Variants in DCAF6 observed in about 807,000 individuals in gnomAD.
DCAF6 encodes DDB1 and CUL4 associated factor 6.
DCAF6 carries 54 observed loss-of-function variants against 125.1 expected under a neutral mutation model. That is an observed-to-expected ratio of 0.43 (90% confidence interval 0.35 to 0.54). The LOEUF (loss-of-function observed/expected upper bound fraction) is 0.54. DCAF6 is among the 20% of genes least tolerant of loss of function. The probability of loss-of-function intolerance (pLI) is 0.01; values close to 1 mark genes in which losing one functional copy is unlikely to be tolerated. For synonymous variants in DCAF6, 371 were observed against 390.4 expected (o/e 0.95, Z 0.58); for missense variants, 934 against 1,161.7 (o/e 0.80, Z 2.85).
chr1:167,928,303 G>C, the DCAF6 span, among the ~76,000 whole-genome samples: 1 of 146,444 alleles, frequency 6.8e-6, no homozygotes, highest in East Asian at 2.0e-4. Flanking sequence ...AGCCGAGATC[G>C]CACCACTGCA....
upstream of DCAF6, among the ~76,000 whole-genome samples, chr1:167,932,485 A>G (rs558112764): frequency 6.6e-6 from 1 of 152,220 alleles, no homozygotes; most frequent in African/African-American, 2.4e-5. Context: ...CTCCACTGAT[A>G]ATTTTTTTGT....
At position 168,037,221 on chromosome 1, in the gene DCAF6, C is replaced by T. The variant is rs746196043; in HGVS notation, c.1610-1150C>T. 2.4e-4 allele frequency among the ~76,000 whole-genome samples: 36 copies of T among 150,266 alleles called. 1 individual carries two copies. Among genetic ancestry groups the T allele is most frequent in the Non-Finnish European group, 4.1e-4 (28 of 67,782 alleles). On this transcript the variant is annotated intron_variant, in intron 12 of 21. Coordinates refer to ENST00000367840, the MANE Select transcript of DCAF6 (RefSeq NM_001198956.2). ...ATTCTCTTAATGTGTGCTCCAACAT[C>T]TTCAAGAGGAATGAAAAAAGATATA...
chr1:168,064,015 GT>G (rs11295033), intron 18 of DCAF6: 29,971 of 120,938 alleles, frequency 0.25, 2,857 homozygotes, highest in Admixed American at 0.4. Flanking sequence ...CATTGCTTTT[GT>G]TTTTTTTTTT....
rs188418115 is a variant in DCAF6 at position 167,938,892 on chromosome 1, G to A, written c.97+1884G>A. 1.9e-4 allele frequency among the ~76,000 whole-genome samples: 29 copies of A among 152,244 alleles called. No homozygotes were observed. The East Asian group carries it at 4.8e-3, about 25-fold the overall frequency. On this transcript the variant is annotated intron_variant, in intron 1 of 21. Transcript: ENST00000367840. The stretch of plus-strand genomic sequence containing the variant: ...TGGAATTTGTGTATTGGGTCTAGGG[G>A]AATTGAAGGGTTCACTGACTATATT...
intron 12 of DCAF6, among the ~76,000 whole-genome samples, chr1:168,033,304 CTTTTTTT>C (rs200401545): frequency 8.3e-6 from 1 of 119,792 alleles, no homozygotes; most frequent in Non-Finnish European, 1.7e-5. Context: ...TGAAAAGGAT[CTTTTTTT>C]TTTTTTTTTT....
chr1:167,988,485 T>G (rs1261360347), intron 5 of DCAF6, among the ~76,000 whole-genome samples: 1 of 152,126 alleles, frequency 6.6e-6, no homozygotes, highest in Admixed American at 6.5e-5. Context: ...TATTTTAAAC[T>G]TACAAAAGGC....
the DCAF6 span, chr1:167,903,898 G>A: frequency 2.5e-6 from 4 of 1,610,522 alleles, no homozygotes; most frequent in South Asian, 3.3e-5. Context: ...CTCCACTATT[G>A]CACTTATGTG....
chr1:168,054,107 T>C (rs889908800), intron 17 of DCAF6, among the ~76,000 whole-genome samples: 7 of 152,378 alleles, frequency 4.6e-5, no homozygotes, highest in African/African-American at 1.4e-4. Flanking sequence ...TTCTAACATA[T>C]AGAACTTTTT....
chr1:168,072,294 T>TGA (rs1693164135), intron 21 of DCAF6, among the ~76,000 whole-genome samples: 2 of 41,016 alleles, frequency 4.9e-5, no homozygotes, highest in Non-Finnish European at 9.0e-5. Context: ...AGAATCAGTC[T>TGA]AAAAAAAAAA....
chr1:167,969,988 G>A (rs557616187), intron 3 of DCAF6, among the ~76,000 whole-genome samples: 174 of 152,262 alleles, frequency 1.1e-3, no homozygotes, highest in Non-Finnish European at 1.8e-3. Context: ...TGTTGGCCAG[G>A]CTGGTCTCGA....
chr1:168,055,221 A>G (rs1255913436), intron 17 of DCAF6, among the ~76,000 whole-genome samples: 2 of 152,140 alleles, frequency 1.3e-5, no homozygotes, highest in Non-Finnish European at 2.9e-5. Context: ...TAGAAATGTA[A>G]TAATTGTTGC....
intron 20 of DCAF6, among the ~76,000 whole-genome samples, chr1:168,067,469 A>G (rs1558054530): frequency 1.3e-5 from 2 of 152,162 alleles, no homozygotes; most frequent in East Asian, 3.9e-4. Context: ...AGAAATAAGA[A>G]TTGGACAGAA....
intron 11 of DCAF6, 109 bp downstream of exon 11, chr1:168,016,060 T>C: frequency 1.0e-6 from 1 of 968,562 alleles, no homozygotes; most frequent in Non-Finnish European, 1.4e-6. Flanking sequence ...CTAATGCGCT[T>C]GCAGCTTACC....
chr1:167,921,380 C>T, the DCAF6 span, among the ~76,000 whole-genome samples: 19 of 152,002 alleles, frequency 1.2e-4, no homozygotes, highest in Non-Finnish European at 1.5e-5. Context: ...TGCCAATATG[C>T]CTGGCTAATT....
intron 2 of DCAF6, among the ~76,000 whole-genome samples, chr1:167,953,311 C>T (rs1195368976): frequency 6.6e-6 from 1 of 152,180 alleles, no homozygotes; most frequent in Non-Finnish European, 1.5e-5. Flanking sequence ...CCTACCAAAG[C>T]AGCATTCCCT....
At chr1:168,013,992 G>GTC (rs2103160728) in intron 10 of DCAF6, among the ~76,000 whole-genome samples, 1 of 152,182 alleles carries the variant, frequency 6.6e-6, no homozygotes, top group Non-Finnish European at 1.5e-5. Flanking sequence ...TCTCGCCTTG[G>GTC]TCTCCCAAAG....
the DCAF6 span, among the ~76,000 whole-genome samples, chr1:167,926,810 T>G: frequency 6.6e-6 from 1 of 152,220 alleles, no homozygotes; most frequent in African/African-American, 2.4e-5. Flanking sequence ...CAGTTCATGC[T>G]GTCCCTTCTC....
At chr1:167,910,599 A>T in the DCAF6 span, among the ~76,000 whole-genome samples, 1 of 152,206 alleles carries the variant, frequency 6.6e-6, no homozygotes, top group African/African-American at 2.4e-5. Context: ...ATTAAAGTTC[A>T]TGGGAAGTAT....
chr1:167,864,790 C>T, the DCAF6 span, among the ~76,000 whole-genome samples: 12 of 151,802 alleles, frequency 7.9e-5, no homozygotes, highest in African/African-American at 2.7e-4. Context: ...TAAACAAGGG[C>T]GTATCCCGAA....
Sources: allele counts gnomAD v4.1 joint callset (sites outside exome capture counted in the v4.1 genomes callset), GRCh38; gene constraint gnomAD v4.1.1; transcripts MANE v1.5; gene names NCBI Gene and HGNC (gene_info 2026-07-23, HGNC 2026-07-21).